Variants in ALG14 observed in about 807,000 individuals in gnomAD.
ALG14 encodes UDP-N-acetylglucosamine transferase subunit ALG14.
A neutral mutation model predicts 22.8 loss-of-function variants in ALG14; 17 were observed. That is an observed-to-expected ratio of 0.75 (90% CI 0.51 to 1.12). The LOEUF is 1.12. Ranked by LOEUF, ALG14 falls within the 50% of genes most tolerant of loss-of-function variation. The probability of loss-of-function intolerance (pLI) is 0.00; values close to 1 mark genes in which losing one functional copy is unlikely to be tolerated. For synonymous variants in ALG14, 89 were observed against 103.7 expected (o/e 0.86, Z 0.86); for missense variants, 288 against 271.8 (o/e 1.06, Z -0.42).
intron 2 of ALG14, among the ~76,000 whole-genome samples, chr1:95,037,087 T>C (rs1674225302): frequency 6.6e-6 from 1 of 152,244 alleles, no homozygotes; most frequent in Non-Finnish European, 1.5e-5. Context: ...GAAAAAATTA[T>C]GGGATTCTGG....
At chr1:95,038,725 T>G (rs1489612700) in intron 2 of ALG14, among the ~76,000 whole-genome samples, 1 of 149,440 alleles carries the variant, frequency 6.7e-6, no homozygotes, top group African/African-American at 2.5e-5. Context: ...GGTTTTTTTT[T>G]TTTTTTTTTT....
chr1:94,983,541 T>G (rs892657947), intron 3 of ALG14: 2 of 518,204 alleles, frequency 3.9e-6, no homozygotes, highest in Non-Finnish European at 6.9e-6. Context: ...TCAGGGCAAA[T>G]CACTTAACTT....
At chr1:95,048,801 T>C (rs1674652122) in intron 2 of ALG14, among the ~76,000 whole-genome samples, 1 of 152,182 alleles carries the variant, frequency 6.6e-6, no homozygotes, top group African/African-American at 2.4e-5. Context: ...ATCCTTTTTT[T>C]TTTTCTTAGC....
chr1:95,027,145 C>T lies in ALG14; in HGVS notation c.404G>A (p.Arg135Lys). 1 of 1,614,086 alleles carries T rather than the reference C, an allele frequency of 6.2e-7. No homozygotes were observed. The highest frequency in any genetic ancestry group is 1.3e-5 in the African/African-American group (1 of 75,036). ...CTTACTTACCAAATCTGGCTTCACC[C>T]TGTGAATTAGGGGAAAGGAGAGCCA... ...SMWLSFPLIH[R>K]VKPDLVLCNG... The change falls in exon 3 of 4, where the codon AGG (arginine) becomes AAG (lysine). Residue 135 changes from arginine to lysine, a missense_variant. Arg to Lys is a conservative substitution (Grantham distance 26, BLOSUM62 2). Coordinates refer to ENST00000370205, the MANE Select transcript of ALG14 (RefSeq NM_144988.4).
At chr1:94,987,139 A>G (rs549980246) in intron 3 of ALG14, among the ~76,000 whole-genome samples, 1 of 152,322 alleles carries the variant, frequency 6.6e-6, no homozygotes, top group Admixed American at 6.5e-5. Flanking sequence ...AAAGCAGAGC[A>G]GAGCCGAGAG....
At chr1:95,063,167 T>A (rs1237571334) in intron 2 of ALG14, among the ~76,000 whole-genome samples, 1 of 152,252 alleles carries the variant, frequency 6.6e-6, no homozygotes, top group African/African-American at 2.4e-5. Flanking sequence ...TAAATTTGTT[T>A]AAGTTCCTTG....
intron 3 of ALG14, among the ~76,000 whole-genome samples, chr1:94,987,424 A>G (rs942687126): frequency 6.6e-6 from 1 of 152,232 alleles, no homozygotes; most frequent in African/African-American, 2.4e-5. Flanking sequence ...TAACAAATCA[A>G]TAAATAAACT....
Position 94,976,887 on chromosome 1 carries a change from T to C in ALG14, c.*6189A>G, listed in dbSNP as rs1672407086. 1 of 152,122 alleles carries C rather than the reference T, an allele frequency of 6.6e-6. No homozygotes were observed. The allele number at this position is 152,122 out of a possible 1,614,324, so 9.4% of individuals were successfully genotyped here. A position where few individuals can be genotyped will look rare whatever the true frequency, so the allele number is the denominator to read the frequency against. ...GACCTTGAATTAATCAAAAGGGAGA[T>C]TACACTGACTCAGTCATGTGAGTCC... is the stretch of plus-strand genomic sequence containing the variant. On this transcript the variant is annotated 3_prime_UTR_variant, in exon 4 of 4. Transcript: ENST00000370205.
intron 2 of ALG14, among the ~76,000 whole-genome samples, chr1:95,061,387 C>G (rs969085927): frequency 6.6e-6 from 1 of 152,144 alleles, no homozygotes; most frequent in Non-Finnish European, 1.5e-5. Context: ...ATATACCAAT[C>G]TTGTTTGACG....
At chr1:95,066,802 G>A (rs9787343) in intron 1 of ALG14, among the ~76,000 whole-genome samples, 6,706 of 152,052 alleles carry the variant, frequency 0.044, 198 homozygotes, top group Middle Eastern at 0.085. Context: ...AGGAGGCTGA[G>A]GCAGGAGAAT....
At chr1:95,026,089 C>T (rs755286145) in intron 3 of ALG14, among the ~76,000 whole-genome samples, 7 of 152,146 alleles carry the variant, frequency 4.6e-5, no homozygotes, top group African/African-American at 7.2e-5. Context: ...CCCACCACCA[C>T]GGCCGGCAAA....
intron 2 of ALG14, among the ~76,000 whole-genome samples, chr1:95,060,706 ACT>A (rs1311758040): frequency 6.6e-6 from 1 of 151,958 alleles, no homozygotes; most frequent in Admixed American, 6.6e-5. Flanking sequence ...ACAAAGTGAG[ACT>A]CTGTTTAAAA....
intron 3 of ALG14, 54 bp downstream of exon 3, chr1:95,027,075 A>C: frequency 6.3e-7 from 1 of 1,598,406 alleles, no homozygotes; most frequent in Non-Finnish European, 8.6e-7. Context: ...CCTGTTACTA[A>C]CGAAAGATCT....
At chr1:95,016,407 A>C (rs994876595) in intron 3 of ALG14, among the ~76,000 whole-genome samples, 1 of 152,188 alleles carries the variant, frequency 6.6e-6, no homozygotes. Context: ...GTAAGTTTGT[A>C]ATTCTAAGTG....
At chr1:95,054,527 G>A (rs1407488681) in intron 2 of ALG14, among the ~76,000 whole-genome samples, 7 of 151,990 alleles carry the variant, frequency 4.6e-5, no homozygotes, top group East Asian at 3.9e-4. Context: ...CCCGGTCTTG[G>A]GTATTTCTTT....
chr1:95,012,009 C>T (rs1158829089), intron 3 of ALG14, among the ~76,000 whole-genome samples: 1 of 152,048 alleles, frequency 6.6e-6, no homozygotes, highest in Non-Finnish European at 1.5e-5. Context: ...GGGTGGTTTC[C>T]CCCATATTGT....
At chr1:95,021,783 T>TGGA (rs1673671818) in intron 3 of ALG14, among the ~76,000 whole-genome samples, 1 of 152,218 alleles carries the variant, frequency 6.6e-6, no homozygotes, top group Non-Finnish European at 1.5e-5. Context: ...TGGAGCTCAC[T>TGGA]GCCTGTGACC....
intron 2 of ALG14, among the ~76,000 whole-genome samples, chr1:95,043,975 G>C (rs1184213224): frequency 1.3e-5 from 2 of 152,102 alleles, no homozygotes; most frequent in Admixed American, 6.5e-5. Flanking sequence ...TAAATCCCAG[G>C]GAGTTTCCAG....
chr1:95,010,108 A>G (rs1673322427), intron 3 of ALG14, among the ~76,000 whole-genome samples: 1 of 152,204 alleles, frequency 6.6e-6, no homozygotes, highest in Non-Finnish European at 1.5e-5. Flanking sequence ...GACTTTTTAT[A>G]GTTAGTGCCT....
Sources: allele counts gnomAD v4.1 joint callset (sites outside exome capture counted in the v4.1 genomes callset), GRCh38; gene constraint gnomAD v4.1.1; transcripts MANE v1.5; gene names NCBI Gene and HGNC (gene_info 2026-07-23, HGNC 2026-07-21).